BFSP1: variants seen among roughly 807,000 people sequenced by gnomAD.
BFSP1 encodes beaded filament structural protein 1, also known as filensin.
A neutral mutation model predicts 43.9 loss-of-function variants in BFSP1; 38 were observed. The ratio of observed to expected loss-of-function variants is 0.87; its 90% CI spans 0.67 to 1.14. The LOEUF is 1.14. Ranked by LOEUF, BFSP1 falls within the 50% of genes most tolerant of loss-of-function variation. The pLI is 0.00. For synonymous variants in BFSP1, 352 were observed against 354.8 expected, an observed-to-expected ratio of 0.99 and a Z score of 0.09; for missense variants, 850 against 875.1, an observed-to-expected ratio of 0.97 and a Z score of 0.36.
At chr20:17,515,171 T>C (rs2034172296) in intron 2 of BFSP1, among the ~76,000 whole-genome samples, 1 of 151,826 alleles carries the variant, frequency 6.6e-6, no homozygotes, top group African/African-American at 2.4e-5. Context: ...CAGGACAGCA[T>C]CCCCCCACAA....
chr20:17,536,402 C>T (rs1008140670), intron 1 of BFSP1, among the ~76,000 whole-genome samples: 1 of 152,128 alleles, frequency 6.6e-6, no homozygotes, highest in Admixed American at 6.5e-5. Context: ...AATATAGGCA[C>T]ATGCCTGTAG....
chr20:17,515,598 T>C (rs2123496062), intron 2 of BFSP1, among the ~76,000 whole-genome samples: 1 of 152,352 alleles, frequency 6.6e-6, no homozygotes, highest in South Asian at 2.1e-4. Flanking sequence ...TTGATCTTGT[T>C]TGGATAGACC....
chr20:17,495,007 A>G lies in BFSP1; in HGVS notation c.1065T>C (p.Asp355=), dbSNP rs1486773630. ...GGKDLTRALQ[D]ITAAKPRQKA... is the part of the protein sequence containing the mutation. ...TTTGTCTTGGTTTTGCTGCTGTTATATCCTGCAGAGCTCTGGTAAGATCTG... is the reference window on the plus strand; with the variant it reads ...TTTGTCTTGGTTTTGCTGCTGTTATGTCCTGCAGAGCTCTGGTAAGATCTG... Residue 355 remains aspartate (D), a synonymous_variant, in exon 8 of 8, where the codon GAT becomes GAC. Coordinates refer to ENST00000377873, the MANE Select transcript of BFSP1 (RefSeq NM_001195.5). The G allele has an allele frequency of 1.2e-6, 2 of 1,613,184 alleles. No individual in the cohort carries two copies. Among genetic ancestry groups the G allele is most frequent in the Non-Finnish European group, 1.7e-6 (2 of 1,179,776 alleles).
At position 17,525,827 on chromosome 20, in the gene BFSP1, A is replaced by C. The variant is rs1325384164; in HGVS notation, c.378-919T>G. Among the ~76,000 whole-genome samples the C allele has an allele frequency of 2.0e-5, 3 of 152,146 alleles. No homozygotes were observed. Among genetic ancestry groups the C allele is most frequent in the Non-Finnish European group, 2.9e-5 (2 of 68,030 alleles). ...ACATTTTCCAGCATTCCTTGCAGCC[A>C]GGTGTGGCCATGTGACTAAGTCCTG... is the stretch of plus-strand genomic sequence containing the variant. On this transcript the variant is annotated intron_variant, in intron 1 of 7. Transcript: ENST00000377873. This position sits in a 1 kb window ranked among gnomAD's most constrained non-coding sequence, Gnocchi z 4.2.
At chr20:17,519,716 C>T (rs1158550545) in intron 2 of BFSP1, among the ~76,000 whole-genome samples, 1 of 152,144 alleles carries the variant, frequency 6.6e-6, no homozygotes, top group Non-Finnish European at 1.5e-5. Context: ...AAAGGCCAGT[C>T]AATATGTATT....
chr20:17,524,806 C>T (rs771743681), intron 2 of BFSP1, 42 bp downstream of exon 2: 2 of 1,594,352 alleles, frequency 1.3e-6, no homozygotes, highest in Non-Finnish European at 1.7e-6. Context: ...CCATTCAACA[C>T]TGTAATTAAG....
chr20:17,497,572 GTATATATACGTATATATATACGTGTA>G (rs1355119710), intron 6 of BFSP1, among the ~76,000 whole-genome samples: 1 of 21,518 alleles, frequency 4.6e-5, no homozygotes, highest in East Asian at 1.0e-3. Context: ...GTGTGTATAT[GTATATATACGTATATATATACGTGTA>G]TATATATACG....
upstream of BFSP1, chr20:17,531,385 C>T (rs1386427849): frequency 4.6e-6 from 6 of 1,290,388 alleles, no homozygotes; most frequent in Non-Finnish European, 5.9e-6. Context: ...AGGAGGCCCC[C>T]GGCGCAGCCC....
At chr20:17,503,857 G>A (rs1231829412) in intron 5 of BFSP1, among the ~76,000 whole-genome samples, 5 of 152,220 alleles carry the variant, frequency 3.3e-5, no homozygotes, top group East Asian at 1.9e-4. Flanking sequence ...GCCATGCAGA[G>A]ACCTCTCCTT....
upstream of BFSP1, among the ~76,000 whole-genome samples, chr20:17,561,560 C>A (rs2035067305): frequency 6.6e-6 from 1 of 151,838 alleles, no homozygotes; most frequent in Non-Finnish European, 1.5e-5. Flanking sequence ...TTGGAGAGAT[C>A]CCCAGGATAT....
chr20:17,495,616 C>T (rs143315608), intron 7 of BFSP1, among the ~76,000 whole-genome samples: 57 of 152,308 alleles, frequency 3.7e-4, no homozygotes, highest in African/African-American at 1.2e-3. Flanking sequence ...CCTCCCCTTC[C>T]TCCCAGGCCA....
At chr20:17,558,603 G>A in intron 1 of BFSP1, 4 of 1,411,376 alleles carry the variant, frequency 2.8e-6, no homozygotes, top group Non-Finnish European at 3.9e-6. Context: ...CCTTCTACGG[G>A]AGTTTCTTTC....
chr20:17,497,279 T>A (rs2033656553), intron 6 of BFSP1, among the ~76,000 whole-genome samples: 1 of 152,140 alleles, frequency 6.6e-6, no homozygotes, highest in African/African-American at 2.4e-5. Context: ...GGATTGCTTA[T>A]AACCTAAAAA....
intron 1 of BFSP1, among the ~76,000 whole-genome samples, chr20:17,568,130 G>A (rs1183046461): frequency 6.6e-6 from 1 of 152,070 alleles, no homozygotes; most frequent in African/African-American, 2.4e-5. Context: ...AGGGGCAGTG[G>A]GCACTTAGGA....
chr20:17,531,339 G>A lies in BFSP1; in HGVS notation c.-10C>T, dbSNP rs546576207. On this transcript the variant is annotated 5_prime_UTR_variant, in exon 1 of 8. Transcript: ENST00000377873. Reference sequence around the variant, plus strand: ...AGCTGCGCCGGTACATGGCTGCTCTGGCGCGGGCGCGCGGGCGGCGCCGAG... The same window carrying A: ...AGCTGCGCCGGTACATGGCTGCTCTAGCGCGGGCGCGCGGGCGGCGCCGAG... 5.8e-6 allele frequency: 8 copies of A among 1,390,868 alleles called. No individual in the cohort carries two copies. The South Asian group carries it at 1.2e-4, about 21-fold the overall frequency. The allele number at this position is 1,390,868 out of a possible 1,614,324, so 86.2% of individuals were successfully genotyped here. A position where few individuals can be genotyped will look rare whatever the true frequency, so the allele number is the denominator to read the frequency against.
intron 1 of BFSP1, among the ~76,000 whole-genome samples, chr20:17,554,160 A>C (rs2034953380): frequency 6.6e-6 from 1 of 152,078 alleles, no homozygotes; most frequent in Non-Finnish European, 1.5e-5. Flanking sequence ...TTTAAGGCTG[A>C]CTTTGTTAGA....
At chr20:17,527,192 C>T (rs981829577) in intron 1 of BFSP1, among the ~76,000 whole-genome samples, 3 of 152,254 alleles carry the variant, frequency 2.0e-5, no homozygotes, top group Non-Finnish European at 4.4e-5. Flanking sequence ...TTACATTTCA[C>T]ATCAGGATGT....
rs2123476926 is a variant in BFSP1, at chr20:17,507,009, CAGAA to C, written c.735+1876_735+1879del. ...GAAGTCCTCCTGCAGCCACTCAGGA[CAGAA>C]ACAGGCGGCCAACCAGCGGTTTCAT... On this transcript the variant is annotated intron_variant, in intron 5 of 7. Coordinates refer to ENST00000377873, the MANE Select transcript of BFSP1 (RefSeq NM_001195.5). The surrounding 1 kb of genome is among the most constrained non-coding windows in gnomAD (Gnocchi z 4.4). 6.6e-6 allele frequency: 1 copy of C among 152,286 alleles called. No homozygotes were observed. The highest frequency in any genetic ancestry group is 1.9e-4 in the East Asian group (1 of 5,186). The allele number at this position is 152,286 out of a possible 1,614,324, so 9.4% of individuals were successfully genotyped here.
intron 6 of BFSP1, among the ~76,000 whole-genome samples, chr20:17,498,451 C>G (rs907022261): frequency 8.5e-5 from 13 of 152,194 alleles, no homozygotes. Flanking sequence ...CGTAGCTCAC[C>G]TGCAGCACCT....
Sources: gnomAD v4.1 joint callset for allele counts (sites outside exome capture counted in the v4.1 genomes callset) on GRCh38, gnomAD v4.1.1 for gene constraint, Gnocchi (gnomAD v3.1) non-coding constraint, MANE v1.5 for transcripts, NCBI Gene and HGNC (gene_info 2026-07-23, HGNC 2026-07-21) for gene names.